The following ATAT1 variants were observed in gnomAD, a reference collection of about 807,000 sequenced individuals.
ATAT1 encodes alpha-tubulin N-acetyltransferase 1.
Under a neutral mutation model 57.2 loss-of-function variants are expected in ATAT1, and 42 were observed. The ratio of observed to expected loss-of-function variants is 0.73; its 90% confidence interval spans 0.57 to 0.95. The LOEUF (loss-of-function observed/expected upper bound fraction) is 0.95. ATAT1 is among the 40% of genes least tolerant of loss of function. The pLI, the probability that ATAT1 is intolerant of heterozygous loss-of-function variation, is 0.00. For synonymous variants in ATAT1, 168 were observed against 187.1 expected, an observed-to-expected ratio of 0.90 and a Z score of 0.83; for missense variants, 454 against 523.7, an observed-to-expected ratio of 0.87 and a Z score of 1.30.
At position 30,643,123 on chromosome 6, in the gene ATAT1, G is replaced by GA. The variant is rs3214091; in HGVS notation, c.932+112_932+113insA. 7.6e-3 allele frequency: 11,348 copies of GA among 1,495,588 alleles called. 257 individuals are homozygous for GA. The highest frequency in any genetic ancestry group is 0.073 in the East Asian group (3,158 of 43,206). 92.6% of individuals were successfully genotyped at this position (1,495,588 alleles called of 1,614,324 possible). On this transcript the variant is annotated intron_variant, in intron 10 of 12. Coordinates refer to ENST00000330083, the MANE Select transcript of ATAT1 (RefSeq NM_001031722.4). ...GATGGATCAATAAGATGGGTGGCTTGGGGGGGGTCCTGAAACCTTTCAAGA... is the reference window on the plus strand; with the variant it reads ...GATGGATCAATAAGATGGGTGGCTTGAGGGGGGGTCCTGAAACCTTTCAAGA...
intron 8 of ATAT1, 119 bp downstream of exon 8, chr6:30,640,722 C>T: frequency 8.6e-7 from 1 of 1,166,172 alleles, no homozygotes; most frequent in Non-Finnish European, 1.2e-6. Context: ...ACCCAAGTCT[C>T]CAGCAGTCAT....
chr6:30,641,252 C>T (rs1765379757), intron 8 of ATAT1, among the ~76,000 whole-genome samples: 1 of 152,228 alleles, frequency 6.6e-6, no homozygotes, highest in Non-Finnish European at 1.5e-5. Context: ...CCTTCCTGAG[C>T]TGGCTCTGTG....
rs776904657 is a variant in ATAT1, at chr6:30,642,845, C to G, written c.766C>G (p.Pro256Ala). Residue 256 changes from proline to alanine, a missense_variant, in exon 10 of 13, where the codon CCC (proline) becomes GCC (alanine). Coordinates refer to ENST00000330083, the MANE Select transcript of ATAT1 (RefSeq NM_001031722.4). Reference sequence around the variant, plus strand: ...CGCCACACCTCCAGCCCACCCACCCCCCCGCTCCAGCAGCCTGGGAAACTC... The same window carrying G: ...CGCCACACCTCCAGCCCACCCACCCGCCCGCTCCAGCAGCCTGGGAAACTC... 1 of 1,564,598 alleles carries G rather than the reference C, an allele frequency of 6.4e-7. No individual in the cohort carries two copies. Among genetic ancestry groups the G allele is most frequent in the Non-Finnish European group, 8.7e-7 (1 of 1,146,298 alleles).
Position 30,640,567 on chromosome 6 carries a change from C to G in ATAT1, c.580C>G (p.His194Asp). ...TGCTCCCTCTCTGAGGGCAACTCGA[C>G]ACTCTCGTGCTGCTGCAGTCGATCC... The change falls in exon 8 of 13, where the codon CAC becomes GAC. Residue 194 changes from histidine to aspartate, a missense_variant. By Grantham distance (81) the His-to-Asp change is moderately conservative. Around this residue, in one of 3 missense-constraint regions of ATAT1, gnomAD observed 236 missense variants for 284.5 expected, o/e 0.83. Transcript: ENST00000330083. The G allele has an allele frequency of 6.2e-7, 1 of 1,613,028 alleles. No individual in the cohort carries two copies. Among genetic ancestry groups the G allele is most frequent in the Non-Finnish European group, 8.5e-7 (1 of 1,180,030 alleles).
Position 30,642,833 on chromosome 6 carries a change from G to GCGCC in ATAT1, c.755_756insGCCC (p.His253ProfsTer48). 7 of 1,537,876 alleles carry GCGCC rather than the reference G, an allele frequency of 4.6e-6. No homozygotes were observed. The South Asian group carries it at 4.6e-5, about 10-fold the overall frequency. On this transcript the variant is annotated frameshift_variant, in exon 10 of 13. Transcript: ENST00000330083. LOFTEE classifies it high-confidence loss of function. ...GGCCCCTCGCCGCGCCACACCTCCA[G>GCGCC]CCCACCCACCCCCCCGCTCCAGCAG...
chr6:30,640,456 G>A, intron 7 of ATAT1, 34 bp downstream of exon 7: 1 of 1,612,870 alleles, frequency 6.2e-7, no homozygotes, highest in Non-Finnish European at 8.5e-7. Context: ...CACGTAGTCG[G>A]GGTGAGGGAA....
Position 30,627,026 on chromosome 6 carries a change from T to C in ATAT1, c.-178T>C. On this transcript the variant is annotated 5_prime_UTR_variant, in exon 1 of 13. Transcript: ENST00000330083. ...TCAAACCCACCCTCTGGCCCTTTTC[T>C]CCCGGTTCCTCTCCAAACCTGGTCC... The C allele has an allele frequency of 6.4e-7, 1 of 1,557,308 alleles. No homozygotes were observed. The highest frequency in any genetic ancestry group is 1.4e-5 in the African/African-American group (1 of 73,676).
Position 30,642,267 on chromosome 6 carries a change from G to C in ATAT1, c.688+20G>C. On this transcript the variant is annotated intron_variant, in intron 9 of 12. Coordinates refer to ENST00000330083, the MANE Select transcript of ATAT1 (RefSeq NM_001031722.4). ...GAGAATGTAAGAGGGGCAAGGGTCG[G>C]GTGTCTGGGCCTGGGGTACCTTAAC... 6.2e-7 allele frequency: 1 copy of C among 1,614,072 alleles called. No homozygotes were observed. The highest frequency in any genetic ancestry group is 1.7e-5 in the Admixed American group (1 of 59,996).
In ATAT1 at chr6:30,646,481, G is replaced by C. The variant is rs1464621254; in HGVS notation, c.1068G>C (p.Glu356Asp). 6 of 1,584,928 alleles carry C rather than the reference G, an allele frequency of 3.8e-6. No homozygotes were observed. Among genetic ancestry groups the C allele is most frequent in the Non-Finnish European group, 4.3e-6 (5 of 1,164,358 alleles). ...CCCCACCTACCAGGTCTGCCAGTGA[G>C]GAGCAGGCCTTGTCACAGGATGGGT... is the stretch of plus-strand genomic sequence containing the variant. The change falls in exon 13 of 13, where the codon GAG (glutamate) becomes GAC (aspartate). Residue 356 changes from glutamate to aspartate, a missense_variant. Physicochemically the swap from Glu to Asp is conservative, Grantham distance 45. Around this residue, in one of 3 missense-constraint regions of ATAT1, gnomAD observed 216 missense variants for 222.2 expected, o/e 0.97. Transcript: ENST00000330083.
chr6:30,634,205 G>A (rs529780315), intron 6 of ATAT1, among the ~76,000 whole-genome samples: 13 of 152,022 alleles, frequency 8.6e-5, no homozygotes, highest in Non-Finnish European at 1.9e-4. Context: ...AAGGAAGTTT[G>A]TTTGTATTTT....
chr6:30,644,367 C>T, intron 10 of ATAT1: 4 of 985,864 alleles, frequency 4.1e-6, no homozygotes, highest in Non-Finnish European at 4.8e-6. Flanking sequence ...ATACTCCTGT[C>T]TTGTGAGATT....
intron 10 of ATAT1, 112 bp downstream of exon 10, chr6:30,643,123 G>T: frequency 6.7e-7 from 1 of 1,495,604 alleles, no homozygotes; most frequent in African/African-American, 1.5e-5. Flanking sequence ...TGGGTGGCTT[G>T]GGGGGGGTCC....
chr6:30,641,672 C>A, intron 8 of ATAT1: 16 of 537,002 alleles, frequency 3.0e-5, no homozygotes, highest in South Asian at 8.2e-5. Flanking sequence ...CCTAATAAAA[C>A]TTCAGTCTCT....
In ATAT1 at chr6:30,628,047, CATA is replaced by C. The variant is rs771980282; in HGVS notation, c.304_306del (p.Asn102del). 8.7e-6 allele frequency: 14 copies of C among 1,613,004 alleles called. No individual in the cohort carries two copies. The Admixed American group carries it at 2.3e-4, about 27-fold the overall frequency. On this transcript the variant is annotated inframe_deletion, in exon 5 of 13. Coordinates refer to ENST00000330083, the MANE Select transcript of ATAT1 (RefSeq NM_001031722.4). ...TCTCTCTTAGGATGATCGTGAGGCT[CATA>C]ATGAGGTAGAACCACTTTGCATCCT... is the stretch of plus-strand genomic sequence containing the variant.
chr6:30,642,653 A>G, intron 9 of ATAT1, 115 bp from the exon 10 acceptor site: 6 of 782,286 alleles, frequency 7.7e-6, no homozygotes, highest in Non-Finnish European at 1.2e-5. Context: ...AAAAAAGAAA[A>G]AAAAAAAAAA....
In ATAT1 at chr6:30,642,833, G is replaced by GGGGGGGCCCCCCCCCCCCCCCCC; in HGVS notation, c.754_755insGGGGGGCCCCCCCCCCCCCCCCC (p.Ala252GlyfsTer75). ...GGCCCCTCGCCGCGCCACACCTCCA[G>GGGGGGGCCCCCCCCCCCCCCCCC]CCCACCCACCCCCCCGCTCCAGCAG... On this transcript the variant is annotated frameshift_variant, in exon 10 of 13. Coordinates refer to ENST00000330083, the MANE Select transcript of ATAT1 (RefSeq NM_001031722.4). LOFTEE classifies it high-confidence loss of function. The GGGGGGGCCCCCCCCCCCCCCCCC allele has an allele frequency of 7.2e-6, 11 of 1,537,766 alleles. No individual in the cohort carries two copies. The highest frequency in any genetic ancestry group is 1.6e-5 in the African/African-American group (1 of 61,246).
rs775948671 is a variant in ATAT1 at position 30,627,410 on chromosome 6, A to T, written c.72-50A>T. 19 of 1,603,036 alleles carry T rather than the reference A, an allele frequency of 1.2e-5. No individual in the cohort carries two copies. In the African/African-American group the frequency reaches 1.7e-4, roughly 15 times the overall value. Reference sequence around the variant, plus strand: ...AGGTTCCCAGGACTGACTGCCTAGGACCCGCTAATTTAGTGAGTATCTGAC... The same window carrying T: ...AGGTTCCCAGGACTGACTGCCTAGGTCCCGCTAATTTAGTGAGTATCTGAC... On this transcript the variant is annotated intron_variant, in intron 1 of 12. Transcript: ENST00000330083.
chr6:30,645,785 C>A, intron 10 of ATAT1, 110 bp from the exon 11 acceptor site: 1 of 749,718 alleles, frequency 1.3e-6, no homozygotes, highest in Non-Finnish European at 2.0e-6. Flanking sequence ...TAATTACCCC[C>A]TTCTCTTTGT....
chr6:30,630,506 G>A (rs1443824586), intron 6 of ATAT1, among the ~76,000 whole-genome samples: 1 of 151,574 alleles, frequency 6.6e-6, no homozygotes, highest in Non-Finnish European at 1.5e-5. Context: ...CATGATGGTG[G>A]GTACCTGTAA....
Sources: allele counts gnomAD v4.1 joint callset (sites outside exome capture counted in the v4.1 genomes callset), GRCh38; gene constraint gnomAD v4.1.1; regional missense constraint gnomAD v4.1.1; transcripts MANE v1.5; gene names NCBI Gene and HGNC (gene_info 2026-07-23, HGNC 2026-07-21).